ADGRB3: variants seen among roughly 807,000 people sequenced by gnomAD.
The protein encoded by ADGRB3 is brain-specific angiogenesis inhibitor 3.
A neutral mutation model predicts 193.4 loss-of-function variants in ADGRB3; 37 were observed. The observed-to-expected ratio is 0.19, with a 90% confidence interval of 0.15 to 0.25. ADGRB3 has a LOEUF of 0.25. Among genes scored for constraint, ADGRB3 ranks in the 10% least tolerant of loss-of-function variants. The pLI is 1.00. For missense variants in ADGRB3, 1,637 were observed against 1,852.9 expected (o/e 0.88, Z 2.14); for synonymous variants, 690 against 644.2 (o/e 1.07, Z -1.08).
intron 10 of ADGRB3, among the ~76,000 whole-genome samples, chr6:68,989,568 T>G (rs1769174176): frequency 6.6e-6 from 1 of 152,166 alleles, no homozygotes; most frequent in African/African-American, 2.4e-5. Flanking sequence ...ATGTCCACTT[T>G]TAACCTCTAT....
intron 20 of ADGRB3, among the ~76,000 whole-genome samples, chr6:69,310,596 A>T (rs548064791): frequency 6.5e-4 from 99 of 151,868 alleles, no homozygotes; most frequent in South Asian, 1.7e-3. Context: ...AAGTGTTCTT[A>T]TTATCTTCTT....
chr6:68,825,312 G>T (rs1190236002), intron 3 of ADGRB3, among the ~76,000 whole-genome samples: 1 of 151,818 alleles, frequency 6.6e-6, no homozygotes, highest in African/African-American at 2.4e-5. Flanking sequence ...CTTTATTGTA[G>T]GTATGTCCTT....
chr6:68,694,394 T>A (rs1018719697), intron 3 of ADGRB3, among the ~76,000 whole-genome samples: 1 of 151,970 alleles, frequency 6.6e-6, no homozygotes, highest in Non-Finnish European at 1.5e-5. Context: ...CTTAAGTGAA[T>A]TTTTTTATAT....
intron 29 of ADGRB3, among the ~76,000 whole-genome samples, chr6:69,365,545 G>C (rs1582659678): frequency 6.6e-6 from 1 of 152,020 alleles, no homozygotes; most frequent in Non-Finnish European, 1.5e-5. Flanking sequence ...AGTGGTTTCT[G>C]TTGTTCTTGC....
intron 20 of ADGRB3, among the ~76,000 whole-genome samples, chr6:69,305,500 A>G (rs1768049482): frequency 6.6e-6 from 1 of 151,376 alleles, no homozygotes; most frequent in Non-Finnish European, 1.5e-5. Context: ...TACTTTGAAT[A>G]TTTTTTCTAG....
At chr6:69,359,059 C>T (rs921309304) in intron 28 of ADGRB3, among the ~76,000 whole-genome samples, 2 of 151,522 alleles carry the variant, frequency 1.3e-5, no homozygotes, top group Non-Finnish European at 3.0e-5. Context: ...AGTCAATACA[C>T]AGTACCAATA....
rs997190262 is a variant in ADGRB3, at chr6:68,787,318, G to A, written c.758-143241G>A. 3.3e-5 allele frequency among the ~76,000 whole-genome samples: 5 copies of A among 152,090 alleles called. No individual in the cohort carries two copies. In the East Asian group the frequency reaches 9.6e-4, roughly 29 times the overall value. On this transcript the variant is annotated intron_variant, in intron 3 of 31. Coordinates refer to ENST00000370598, the MANE Select transcript of ADGRB3 (RefSeq NM_001704.3). ...TCATAGATCGCTCTTATTATTTTGAGATACATCTCATCAATACCTAATTGA... is the reference window on the plus strand; with the variant it reads ...TCATAGATCGCTCTTATTATTTTGAAATACATCTCATCAATACCTAATTGA...
intron 25 of ADGRB3, 61 bp from the exon 26 acceptor site, chr6:69,339,272 T>C (rs1303912601): frequency 3.9e-6 from 6 of 1,556,506 alleles, no homozygotes; most frequent in Non-Finnish European, 4.4e-6. Context: ...TGAATGGGGG[T>C]TTGGCTATGG....
Position 68,730,204 on chromosome 6 carries a change from G to C in ADGRB3, c.757+90772G>C, listed in dbSNP as rs979156627. On this transcript the variant is annotated intron_variant, in intron 3 of 31. Transcript: ENST00000370598. ...GTAAATTAATATTTAAATTTTAGTG[G>C]ATTTATATCCATAAACAATTATGTG... 2.6e-5 allele frequency among the ~76,000 whole-genome samples: 4 copies of C among 151,336 alleles called. No homozygotes were observed. The East Asian group carries it at 7.8e-4, about 30-fold the overall frequency.
intron 3 of ADGRB3, among the ~76,000 whole-genome samples, chr6:68,906,941 T>C (rs1051192792): frequency 6.6e-6 from 1 of 152,004 alleles, no homozygotes. Context: ...TTCACATTTT[T>C]TGCCTTCACT....
intron 3 of ADGRB3, among the ~76,000 whole-genome samples, chr6:68,723,004 C>T (rs948212840): frequency 4.0e-5 from 6 of 151,786 alleles, no homozygotes; most frequent in African/African-American, 1.4e-4. Flanking sequence ...TTTTTACAGG[C>T]ATTCTTTTGG....
At chr6:69,269,410 T>G (rs887445838) in intron 20 of ADGRB3, among the ~76,000 whole-genome samples, 7 of 152,226 alleles carry the variant, frequency 4.6e-5, no homozygotes, top group African/African-American at 1.7e-4. Context: ...TGATAATATC[T>G]CCTATAATTT....
At chr6:68,927,445 G>T (rs1767212511) in intron 3 of ADGRB3, among the ~76,000 whole-genome samples, 1 of 152,056 alleles carries the variant, frequency 6.6e-6, no homozygotes, top group Admixed American at 6.6e-5. Context: ...AAGTTTGGAT[G>T]ATCCAATTGG....
At chr6:68,682,243 C>G (rs1764909789) in intron 3 of ADGRB3, among the ~76,000 whole-genome samples, 2 of 152,180 alleles carry the variant, frequency 1.3e-5, no homozygotes, top group South Asian at 4.1e-4. Context: ...AGCATTATTT[C>G]AAGTGTACAA....
At chr6:68,924,777 A>G (rs1415567283) in intron 3 of ADGRB3, among the ~76,000 whole-genome samples, 1 of 152,010 alleles carries the variant, frequency 6.6e-6, no homozygotes. Context: ...CTGTAGCCAC[A>G]TATCTAGCTT....
intron 13 of ADGRB3, among the ~76,000 whole-genome samples, chr6:69,046,436 C>T (rs1771240557): frequency 1.3e-5 from 2 of 152,142 alleles, no homozygotes; most frequent in Non-Finnish European, 2.9e-5. Context: ...GATTTGGACC[C>T]TGCAGGAGAG....
rs1404530426 is a variant in ADGRB3 at position 68,635,907 on chromosome 6, G to C, written c.-281G>C. 1 of 152,684 alleles carries C rather than the reference G, an allele frequency of 6.5e-6. No homozygotes were observed. The highest frequency in any genetic ancestry group is 2.4e-5 in the African/African-American group (1 of 41,384). 9.5% of individuals were successfully genotyped at this position (152,684 alleles called of 1,614,324 possible). A position where few individuals can be genotyped will look rare whatever the true frequency, so the allele number is the denominator to read the frequency against. On this transcript the variant is annotated 5_prime_UTR_variant, in exon 1 of 32. Coordinates refer to ENST00000370598, the MANE Select transcript of ADGRB3 (RefSeq NM_001704.3). ...CGGGGAAAATGGGCAACGGTGATTGGGACCGAAGGGGAGTCTCTCCGTCAC... is the reference window on the plus strand; with the variant it reads ...CGGGGAAAATGGGCAACGGTGATTGCGACCGAAGGGGAGTCTCTCCGTCAC...
At chr6:69,069,785 T>C (rs1365875581) in intron 16 of ADGRB3, among the ~76,000 whole-genome samples, 1 of 139,900 alleles carries the variant, frequency 7.1e-6, no homozygotes, top group African/African-American at 2.7e-5. Context: ...ATGAACAAAA[T>C]ATGAATTAGT....
intron 11 of ADGRB3, among the ~76,000 whole-genome samples, chr6:69,008,802 G>C (rs1223838620): frequency 6.6e-6 from 1 of 152,070 alleles, no homozygotes; most frequent in Admixed American, 6.6e-5. Context: ...GTATGTATTT[G>C]TGCTCAAGGA....
Sources: allele counts gnomAD v4.1 joint callset (sites outside exome capture counted in the v4.1 genomes callset), GRCh38; gene constraint gnomAD v4.1.1; transcripts MANE v1.5; gene names NCBI Gene and HGNC (gene_info 2026-07-23, HGNC 2026-07-21).